The following NOL4 variants were observed in gnomAD, a reference collection of about 807,000 sequenced individuals.
NOL4 encodes the protein nucleolar protein 4.
In NOL4, 17 loss-of-function variants were observed where a neutral mutation model predicts 75.9. The ratio of observed to expected loss-of-function variants is 0.22; its 90% CI spans 0.15 to 0.34. The LOEUF (loss-of-function observed/expected upper bound fraction) is 0.34, where lower values mean the gene tolerates loss of function less well. Ranked by LOEUF, NOL4 falls within the 10% of genes least tolerant of loss-of-function variation. NOL4 has a pLI of 1.00. For missense variants in NOL4, 614 were observed against 793.5 expected, an observed-to-expected ratio of 0.77 and a Z score of 2.72; for synonymous variants, 292 against 289.9, an observed-to-expected ratio of 1.01 and a Z score of -0.07.
chr18:34,024,215 A>ATATAT (rs1491509605), intron 5 of NOL4, among the ~76,000 whole-genome samples: 8 of 127,510 alleles, frequency 6.3e-5, no homozygotes, highest in Admixed American at 1.6e-4. Context: ...ATATATATAT[A>ATATAT]AAATCCTCAT....
At chr18:33,915,589 C>T (rs951313920) in intron 9 of NOL4, among the ~76,000 whole-genome samples, 1 of 151,898 alleles carries the variant, frequency 6.6e-6, no homozygotes, top group African/African-American at 2.4e-5. Flanking sequence ...CTGCTAGAGG[C>T]ATGAAATGCT....
At chr18:34,148,371 A>G (rs558055327) in intron 1 of NOL4, among the ~76,000 whole-genome samples, 38 of 152,148 alleles carry the variant, frequency 2.5e-4, no homozygotes, top group African/African-American at 8.7e-4. Flanking sequence ...ATTTTCCTGT[A>G]AACACTGCCT....
chr18:33,981,635 A>G (rs992265397), intron 6 of NOL4, among the ~76,000 whole-genome samples: 16 of 152,134 alleles, frequency 1.1e-4, no homozygotes, highest in African/African-American at 3.9e-4. Context: ...AAAACAGAAA[A>G]TAATAAGAGA....
intron 1 of NOL4, among the ~76,000 whole-genome samples, chr18:34,178,494 G>A (rs996260810): frequency 2.0e-5 from 3 of 151,570 alleles, no homozygotes; most frequent in African/African-American, 7.3e-5. Flanking sequence ...CAAAAATGTT[G>A]AAAGTAAAAG....
At chr18:34,050,882 C>T (rs1372368290) in intron 5 of NOL4, among the ~76,000 whole-genome samples, 4 of 151,874 alleles carry the variant, frequency 2.6e-5, no homozygotes, top group African/African-American at 7.2e-5. Flanking sequence ...GGAACAAATG[C>T]GGAGTTGAGA....
intron 1 of NOL4, among the ~76,000 whole-genome samples, chr18:34,141,414 C>T (rs1242510983): frequency 1.4e-4 from 22 of 152,252 alleles, no homozygotes; most frequent in African/African-American, 5.3e-4. Flanking sequence ...GGAGGCATCA[C>T]ACTACCTGAC....
At chr18:34,185,045 C>G (rs578128716) in intron 1 of NOL4, among the ~76,000 whole-genome samples, 4 of 152,192 alleles carry the variant, frequency 2.6e-5, no homozygotes, top group Admixed American at 2.6e-4. Context: ...TATCTTGTCC[C>G]TAGTTAAGGC....
chr18:33,931,325 A>G (rs988432704), intron 9 of NOL4, among the ~76,000 whole-genome samples: 2 of 152,170 alleles, frequency 1.3e-5, no homozygotes, highest in African/African-American at 4.8e-5. Flanking sequence ...ACTCTATAGC[A>G]GGTGCTACTG....
At chr18:34,110,493 G>C (rs2079538392) in intron 2 of NOL4, among the ~76,000 whole-genome samples, 1 of 152,050 alleles carries the variant, frequency 6.6e-6, no homozygotes, top group Non-Finnish European at 1.5e-5. Flanking sequence ...ATCTATTCAT[G>C]ATTAAAACTC....
intron 5 of NOL4, among the ~76,000 whole-genome samples, chr18:34,055,254 A>G (rs2076788185): frequency 6.6e-6 from 1 of 152,006 alleles, no homozygotes; most frequent in East Asian, 1.9e-4. Flanking sequence ...ATTTTCATCT[A>G]GCATTCTTTG....
At chr18:33,875,650 A>C (rs1199660744) in intron 10 of NOL4, among the ~76,000 whole-genome samples, 2 of 151,984 alleles carry the variant, frequency 1.3e-5, no homozygotes, top group African/African-American at 4.8e-5. Context: ...CTTGCCTCCA[A>C]TTGCTTTGAT....
In NOL4 at chr18:33,887,158, G is replaced by GTA. The variant is rs1292507448; in HGVS notation, c.1543-3736_1543-3735dup. On this transcript the variant is annotated intron_variant, in intron 9 of 10. Coordinates refer to ENST00000261592, the MANE Select transcript of NOL4 (RefSeq NM_003787.5). ...GATATATCTATATCTAGATATATGT[G>GTA]TATATATATATAGATGTATCTATTA... is the stretch of plus-strand genomic sequence containing the variant. 6.2e-4 allele frequency among the ~76,000 whole-genome samples: 87 copies of GTA among 140,546 alleles called. 2 individuals are homozygous for GTA. In the South Asian group the frequency reaches 0.015, roughly 25 times the overall value. 92.2% of individuals were successfully genotyped at this position (140,546 alleles called of 152,430 possible). A position where few individuals can be genotyped will look rare whatever the true frequency, so the allele number is the denominator to read the frequency against.
chr18:34,108,400 G>A (rs2079416344), intron 2 of NOL4, among the ~76,000 whole-genome samples: 1 of 151,322 alleles, frequency 6.6e-6, no homozygotes, highest in South Asian at 2.1e-4. Context: ...AAGTCAGAGT[G>A]GCTAAATGAA....
intron 1 of NOL4, among the ~76,000 whole-genome samples, chr18:34,185,805 T>G (rs1308267646): frequency 1.3e-5 from 2 of 152,182 alleles, no homozygotes; most frequent in Admixed American, 6.6e-5. Flanking sequence ...AATCATGACG[T>G]ATCTCCTACT....
At chr18:34,061,778 T>C (rs1051627555) in intron 5 of NOL4, among the ~76,000 whole-genome samples, 33 of 152,292 alleles carry the variant, frequency 2.2e-4, no homozygotes, top group Middle Eastern at 3.4e-3. Context: ...GGGCAATATT[T>C]TTATTCATAA....
chr18:34,161,019 C>T (rs1013639199), intron 1 of NOL4, among the ~76,000 whole-genome samples: 1 of 152,160 alleles, frequency 6.6e-6, no homozygotes, highest in Non-Finnish European at 1.5e-5. Flanking sequence ...CTATTCTCTA[C>T]TTCTATGAGA....
intron 4 of NOL4, among the ~76,000 whole-genome samples, chr18:34,096,110 T>C (rs900879794): frequency 6.6e-6 from 1 of 152,170 alleles, no homozygotes; most frequent in Non-Finnish European, 1.5e-5. Context: ...CTAAAATGTA[T>C]GCTGACACTC....
intron 1 of NOL4, among the ~76,000 whole-genome samples, chr18:34,200,252 T>C (rs2035635446): frequency 6.6e-6 from 1 of 151,862 alleles, no homozygotes; most frequent in Non-Finnish European, 1.5e-5. Flanking sequence ...AGCACTTCAT[T>C]GGCTGTTCTT....
At chr18:34,208,624 G>A (rs1224158714) in intron 1 of NOL4, among the ~76,000 whole-genome samples, 1 of 151,950 alleles carries the variant, frequency 6.6e-6, no homozygotes, top group Non-Finnish European at 1.5e-5. Flanking sequence ...TCCTTGGGAG[G>A]CCAAGGTGGA....
Sources: allele counts gnomAD v4.1 joint callset (sites outside exome capture counted in the v4.1 genomes callset), GRCh38; gene constraint gnomAD v4.1.1; transcripts MANE v1.5; gene names NCBI Gene and HGNC (gene_info 2026-07-23, HGNC 2026-07-21).